Variants in LNX1 observed in about 807,000 individuals in gnomAD.
LNX1 encodes E3 ubiquitin-protein ligase LNX.
A neutral mutation model predicts 68.4 loss-of-function variants in LNX1; 54 were observed. That is an observed-to-expected ratio of 0.79 (90% CI 0.63 to 0.99). The LOEUF (loss-of-function observed/expected upper bound fraction) is 0.99, where lower values mean the gene tolerates loss of function less well. Ranked by LOEUF, LNX1 falls within the 50% of genes least tolerant of loss-of-function variation. The pLI, the probability that LNX1 is intolerant of heterozygous loss-of-function variation, is 0.00. For missense variants in LNX1, 906 were observed against 926.4 expected, an observed-to-expected ratio of 0.98 and a Z score of 0.29; for synonymous variants, 336 against 350.0, an observed-to-expected ratio of 0.96 and a Z score of 0.45.
At chr4:53,509,688 G>A (rs182342017) in intron 2 of LNX1, among the ~76,000 whole-genome samples, 19 of 152,296 alleles carry the variant, frequency 1.2e-4, no homozygotes, top group African/African-American at 3.4e-4. Context: ...ACTACAAGCA[G>A]TTCTCATGAG....
intron 2 of LNX1, chr4:53,558,343 G>A: frequency 1.0e-6 from 1 of 953,024 alleles, no homozygotes; most frequent in East Asian, 8.4e-5. Flanking sequence ...GTTAAAATGT[G>A]TTGGAAGAGG....
At chr4:53,564,985 C>T (rs1416078261) in intron 2 of LNX1, among the ~76,000 whole-genome samples, 1 of 152,196 alleles carries the variant, frequency 6.6e-6, no homozygotes, top group Non-Finnish European at 1.5e-5. Flanking sequence ...CCCCACCTGG[C>T]TCGGAGGGTC....
chr4:53,543,679 A>G (rs1015346145), intron 2 of LNX1, among the ~76,000 whole-genome samples: 5 of 152,208 alleles, frequency 3.3e-5, no homozygotes, highest in Non-Finnish European at 7.3e-5. Flanking sequence ...TTATTAATAG[A>G]AATTCCCTGC....
intron 9 of LNX1, among the ~76,000 whole-genome samples, chr4:53,476,147 A>T (rs1267064942): frequency 6.6e-6 from 1 of 152,048 alleles, no homozygotes; most frequent in African/African-American, 2.4e-5. Context: ...AAATACAAAA[A>T]TGAGCTGGGC....
chr4:53,593,441 T>C (rs892168823), upstream of LNX1, among the ~76,000 whole-genome samples: 1 of 152,178 alleles, frequency 6.6e-6, no homozygotes, highest in Non-Finnish European at 1.5e-5. Flanking sequence ...ATCGTGAGGT[T>C]TCACTTGCCA....
intron 2 of LNX1, among the ~76,000 whole-genome samples, chr4:53,599,582 G>C (rs1338756747): frequency 2.6e-5 from 4 of 152,104 alleles, no homozygotes; most frequent in African/African-American, 9.7e-5. Flanking sequence ...GACTCATCCT[G>C]AATTCTTTCT....
At chr4:53,568,944 C>A (rs1470379728) in intron 2 of LNX1, among the ~76,000 whole-genome samples, 3 of 151,968 alleles carry the variant, frequency 2.0e-5, no homozygotes, top group Admixed American at 1.3e-4. Context: ...ACCTAGGAAT[C>A]CATCTTACAA....
At chr4:53,519,712 T>C (rs1727069636) in intron 2 of LNX1, among the ~76,000 whole-genome samples, 1 of 151,936 alleles carries the variant, frequency 6.6e-6, no homozygotes. Context: ...TTAACAGGCG[T>C]CAGGCTATTC....
At chr4:53,499,043 T>C (rs1209653857) in intron 4 of LNX1, among the ~76,000 whole-genome samples, 200 bp from the exon 5 acceptor site, 1 of 152,168 alleles carries the variant, frequency 6.6e-6, no homozygotes, top group Non-Finnish European at 1.5e-5. Flanking sequence ...AATTTTTCCT[T>C]CAAGGCCCTT....
intron 2 of LNX1, among the ~76,000 whole-genome samples, chr4:53,514,038 T>C (rs1402408613): frequency 6.6e-6 from 1 of 152,168 alleles, no homozygotes; most frequent in Non-Finnish European, 1.5e-5. Flanking sequence ...AGATATGCCT[T>C]CCCCAGATTC....
chr4:53,553,665 G>T (rs1324019888), intron 2 of LNX1, among the ~76,000 whole-genome samples: 2 of 152,124 alleles, frequency 1.3e-5, no homozygotes, highest in East Asian at 3.9e-4. Context: ...GCGGATGAGG[G>T]CATGTGGGGA....
At chr4:53,515,226 G>A (rs75510187) in intron 2 of LNX1, among the ~76,000 whole-genome samples, 10 of 152,276 alleles carry the variant, frequency 6.6e-5, no homozygotes, top group African/African-American at 1.9e-4. Flanking sequence ...ACTTAAGGCC[G>A]CCAGTCAAGA....
At chr4:53,469,971 A>AT (rs1349633556) in intron 9 of LNX1, among the ~76,000 whole-genome samples, 2 of 152,236 alleles carry the variant, frequency 1.3e-5, no homozygotes, top group Non-Finnish European at 2.9e-5. Flanking sequence ...AAAAGAGGGA[A>AT]TCCTCCCTAA....
At position 53,589,911 on chromosome 4, in the gene LNX1, T is replaced by C. The variant is rs73147489; in HGVS notation, c.-87+1477A>G. Among the ~76,000 whole-genome samples the C allele has an allele frequency of 9.5e-3, 1,453 of 152,336 alleles. 15 individuals carry two copies. The highest frequency in any genetic ancestry group is 0.034 in the African/African-American group (1,395 of 41,562). On this transcript the variant is annotated intron_variant, in intron 1 of 10. Coordinates refer to ENST00000263925, the MANE Select transcript of LNX1 (RefSeq NM_001126328.3). ...ACTCAGACATGCTGACATACAGTGA[T>C]GAAATTATTTATTTAATCATAAATT...
chr4:53,497,228 C>T (rs1321463163), intron 5 of LNX1, among the ~76,000 whole-genome samples: 1 of 152,158 alleles, frequency 6.6e-6, no homozygotes, highest in Admixed American at 6.5e-5. Context: ...ATTTCTCTGG[C>T]TACACAGGCC....
At chr4:53,472,879 G>A (rs1270402789) in intron 9 of LNX1, among the ~76,000 whole-genome samples, 1 of 151,990 alleles carries the variant, frequency 6.6e-6, no homozygotes, top group Non-Finnish European at 1.5e-5. Context: ...GTGTTGTAAA[G>A]CTGGAAAAGG....
At chr4:53,501,299 T>TGGGGGGGGGG (rs1553932749) in intron 4 of LNX1, among the ~76,000 whole-genome samples, 6 of 38,768 alleles carry the variant, frequency 1.5e-4, no homozygotes, top group Admixed American at 4.0e-4. Context: ...TTTTTTTTTT[T>TGGGGGGGGGG]GGGGGTGGGG....
In LNX1 at chr4:53,583,860, A is replaced by G. The variant is rs114337634; in HGVS notation, c.-87+7528T>C. ...TGCCATACTTGGGTTTGTTTGTAAAAACTCTGTAACAGAAAAGATGTCCTT... is the reference window on the plus strand; with the variant it reads ...TGCCATACTTGGGTTTGTTTGTAAAGACTCTGTAACAGAAAAGATGTCCTT... On this transcript the variant is annotated intron_variant, in intron 1 of 10. Coordinates refer to ENST00000263925, the MANE Select transcript of LNX1 (RefSeq NM_001126328.3). Among the ~76,000 whole-genome samples, 1,324 of 152,200 alleles carry G rather than the reference A, an allele frequency of 8.7e-3. 12 individuals carry two copies. The highest frequency in any genetic ancestry group is 0.03 in the African/African-American group (1,243 of 41,506).
intron 2 of LNX1, among the ~76,000 whole-genome samples, chr4:53,611,603 C>T (rs1733501013): frequency 6.6e-6 from 1 of 151,964 alleles, no homozygotes; most frequent in Admixed American, 6.6e-5. Context: ...GTCTATAAAC[C>T]CATCGTATTA....
Sources: allele counts gnomAD v4.1 joint callset (sites outside exome capture counted in the v4.1 genomes callset), GRCh38; gene constraint gnomAD v4.1.1; transcripts MANE v1.5; gene names NCBI Gene and HGNC (gene_info 2026-07-23, HGNC 2026-07-21).